Variants in PHC2 observed in about 807,000 individuals in gnomAD.
PHC2 encodes the protein polyhomeotic-like protein 2.
In PHC2, 29 loss-of-function variants were observed where a neutral mutation model predicts 87.4. The ratio of observed to expected loss-of-function variants is 0.33; its 90% CI spans 0.25 to 0.45. The LOEUF is 0.45. Among genes scored for constraint, PHC2 ranks in the 20% least tolerant of loss-of-function variants. The pLI is 1.00. For synonymous variants in PHC2, 438 were observed against 461.7 expected (o/e 0.95, Z 0.66); for missense variants, 857 against 1,136.7 (o/e 0.75, Z 3.54).
intron 7 of PHC2, among the ~76,000 whole-genome samples, chr1:33,356,281 A>ATATATATATATATATG (rs1647082146): frequency 7.3e-6 from 1 of 136,428 alleles, no homozygotes; most frequent in Non-Finnish European, 1.5e-5. Context: ...ATATATGTAT[A>ATATATATATATATATG]TATATATATA....
chr1:33,418,616 G>C (rs1650302513), intron 1 of PHC2, among the ~76,000 whole-genome samples: 2 of 151,992 alleles, frequency 1.3e-5, no homozygotes, highest in Non-Finnish European at 2.9e-5. Flanking sequence ...TATTCACAAA[G>C]ATAACTCCAG....
At chr1:33,395,553 A>C (rs188150311) in intron 1 of PHC2, among the ~76,000 whole-genome samples, 15 of 152,332 alleles carry the variant, frequency 9.8e-5, no homozygotes, top group Admixed American at 2.0e-4. Flanking sequence ...TTTATTGTGA[A>C]ATGCATTAAG....
chr1:33,325,262 T>G (rs1646344996), intron 14 of PHC2: 3 of 476,128 alleles, frequency 6.3e-6, no homozygotes, highest in Non-Finnish European at 1.1e-5. Flanking sequence ...CCCTGCTCCA[T>G]GAACTGGGCG....
rs374882944 is a variant in PHC2 at position 33,345,982 on chromosome 1, A to G, written c.1558+8419T>C. 1.0e-5 allele frequency: 10 copies of G among 985,052 alleles called. No homozygotes were observed. The East Asian group carries it at 1.1e-3, about 112-fold the overall frequency. The allele number at this position is 985,052 out of a possible 1,614,324, so 61.0% of individuals were successfully genotyped here. On this transcript the variant is annotated intron_variant, in intron 9 of 14. Coordinates refer to ENST00000683057, the MANE Select transcript of PHC2 (RefSeq NM_001385109.1). ...AATAGGCAACTTTTTTTAAAAACAG[A>G]AAACATATTCAAAAAGGGTTTTAAC...
chr1:33,386,833 C>A (rs935100642), intron 1 of PHC2, among the ~76,000 whole-genome samples: 1 of 152,110 alleles, frequency 6.6e-6, no homozygotes, highest in African/African-American at 2.4e-5. Context: ...ATACAAAGCA[C>A]ACACACAGCA....
Position 33,346,297 on chromosome 1 carries a change from C to A in PHC2, c.1558+8104G>T, listed in dbSNP as rs1023588286. 5.1e-6 allele frequency: 5 copies of A among 985,286 alleles called. No homozygotes were observed. The African/African-American group carries it at 8.7e-5, about 17-fold the overall frequency. The allele number at this position is 985,286 out of a possible 1,614,324, so 61.0% of individuals were successfully genotyped here. A position where few individuals can be genotyped will look rare whatever the true frequency, so the allele number is the denominator to read the frequency against. ...CCAGGACAGTCTCCTGAGGGGTACA[C>A]AAAAGCCTCTCTCTACAACCACTTT... On this transcript the variant is annotated intron_variant, in intron 9 of 14. Coordinates refer to ENST00000683057, the MANE Select transcript of PHC2 (RefSeq NM_001385109.1).
At chr1:33,425,740 ACAGCAT>A (rs1650642443) in intron 1 of PHC2, among the ~76,000 whole-genome samples, 1 of 152,254 alleles carries the variant, frequency 6.6e-6, no homozygotes, top group East Asian at 1.9e-4. Flanking sequence ...AGACCATGCC[ACAGCAT>A]AACTAGGAGA....
At chr1:33,420,551 G>C (rs1284429031) in intron 1 of PHC2, among the ~76,000 whole-genome samples, 1 of 152,130 alleles carries the variant, frequency 6.6e-6, no homozygotes, top group Non-Finnish European at 1.5e-5. Flanking sequence ...CCATTCTAGA[G>C]TCAGTCCTCA....
rs577328962 is a variant in PHC2, at chr1:33,334,510, G to C, written c.1559-218C>G. Among the ~76,000 whole-genome samples the C allele has an allele frequency of 5.6e-4, 86 of 152,336 alleles. 1 individual carries two copies. The highest frequency in any genetic ancestry group is 7.2e-4 in the Non-Finnish European group (49 of 68,036). ...TGAGTATAGTCAGTTCCACAACAACGCATGCAGCTAATCAGCTAGCAGTGT... is the reference window on the plus strand; with the variant it reads ...TGAGTATAGTCAGTTCCACAACAACCCATGCAGCTAATCAGCTAGCAGTGT... On this transcript the variant is annotated intron_variant, in intron 9 of 14. Transcript: ENST00000683057. This position sits in a 1 kb window ranked among gnomAD's most constrained non-coding sequence, Gnocchi z 5.5.
At chr1:33,366,887 CAGA>C (rs1647483013) in intron 7 of PHC2, among the ~76,000 whole-genome samples, 1 of 152,246 alleles carries the variant, frequency 6.6e-6, no homozygotes, top group Non-Finnish European at 1.5e-5. Context: ...GCCTACAGTG[CAGA>C]AGGACTCCTT....
chr1:33,345,953 C>T (rs1237176462), intron 9 of PHC2: 6 of 984,788 alleles, frequency 6.1e-6, no homozygotes, highest in Non-Finnish European at 6.0e-6. Flanking sequence ...AAGTAGTTAT[C>T]TTAAATAGGC....
chr1:33,414,616 T>C (rs189173661), intron 1 of PHC2, among the ~76,000 whole-genome samples: 1 of 152,326 alleles, frequency 6.6e-6, no homozygotes, highest in Admixed American at 6.5e-5. Context: ...TAAATCACAC[T>C]CTGGTCTGCC....
intron 14 of PHC2, chr1:33,326,333 C>G (rs1213901920): frequency 6.2e-6 from 1 of 161,066 alleles, no homozygotes; most frequent in Non-Finnish European, 1.4e-5. Context: ...AAAACACGGT[C>G]TACAGATTAA....
intron 2 of PHC2, 117 bp from the exon 3 acceptor site, chr1:33,372,564 T>TA (rs747828782): frequency 0.071 from 61,855 of 865,326 alleles, 4,327 homozygotes; most frequent in African/African-American, 0.31. Flanking sequence ...CACCAAGATC[T>TA]GTGACCACCA....
In PHC2 at chr1:33,325,027, G is replaced by A. The variant is rs1267786828; in HGVS notation, c.2426-8C>T. ...CTGCTATCTCCTGGCAGCCTGAGGG[G>A]GTACCACCAAAGACAGTGTCAATCC... is the stretch of plus-strand genomic sequence containing the variant. On this transcript the variant is annotated splice_polypyrimidine_tract_variant and splice_region_variant and intron_variant, in intron 14 of 14. Coordinates refer to ENST00000683057, the MANE Select transcript of PHC2 (RefSeq NM_001385109.1). 1.9e-6 allele frequency: 3 copies of A among 1,606,218 alleles called. No individual in the cohort carries two copies. Among genetic ancestry groups the A allele is most frequent in the Non-Finnish European group, 2.6e-6 (3 of 1,175,000 alleles).
intron 9 of PHC2, among the ~76,000 whole-genome samples, chr1:33,350,102 G>T (rs546448157): frequency 1.3e-5 from 2 of 152,002 alleles, no homozygotes; most frequent in Non-Finnish European, 2.9e-5. Flanking sequence ...CACGCCACGA[G>T]GAGGCTGCCC....
At chr1:33,379,446 TC>T (rs1298436965) in intron 1 of PHC2, among the ~76,000 whole-genome samples, 2 of 8,666 alleles carry the variant, frequency 2.3e-4, no homozygotes, top group East Asian at 3.8e-3. Context: ...CCCCCCACCA[TC>T]CCCCCCGCCC....
Position 33,375,509 on chromosome 1 carries a change from A to G in PHC2, c.31T>C (p.Ser11Pro). 6.2e-7 allele frequency: 1 copy of G among 1,601,850 alleles called. No individual in the cohort carries two copies. The highest frequency in any genetic ancestry group is 8.5e-7 in the Non-Finnish European group (1 of 1,173,858). The change falls in exon 2 of 15, where the codon TCT becomes CCT. Residue 11 changes from serine to proline, a missense_variant. By Grantham distance (74) the Ser-to-Pro change is moderately conservative (BLOSUM62 -1). Transcript: ENST00000683057. MENELPVPHT[S>P]SSACATSSTS... ...CTGCTGGTGGCACAGGCACTGCTAG[A>G]TGTATGTGGGACTGGCAGCTCATTC...
At chr1:33,375,892 A>T (rs1028749088) in intron 1 of PHC2, among the ~76,000 whole-genome samples, 2 of 152,224 alleles carry the variant, frequency 1.3e-5, no homozygotes, top group Non-Finnish European at 2.9e-5. Context: ...TGCAAATGTT[A>T]TGCTACTTTA....
Sources: allele counts gnomAD v4.1 joint callset (sites outside exome capture counted in the v4.1 genomes callset), GRCh38; gene constraint gnomAD v4.1.1; non-coding constraint Gnocchi (gnomAD v3.1); transcripts MANE v1.5; gene names NCBI Gene and HGNC (gene_info 2026-07-23, HGNC 2026-07-21).